MIPOL1: variants seen among roughly 807,000 people sequenced by gnomAD.
MIPOL1 encodes mirror-image polydactyly gene 1 protein.
A neutral mutation model predicts 60.9 loss-of-function variants in MIPOL1; 57 were observed. The ratio of observed to expected loss-of-function variants is 0.94; its 90% CI spans 0.76 to 1.17. The LOEUF is 1.17. Ranked by LOEUF, MIPOL1 falls within the 50% of genes most tolerant of loss-of-function variation. The pLI, the probability that MIPOL1 is intolerant of heterozygous loss-of-function variation, is 0.00. For missense variants in MIPOL1, 551 were observed against 511.6 expected (o/e 1.08, Z -0.74); for synonymous variants, 179 against 168.8 (o/e 1.06, Z -0.47).
At chr14:37,338,398 C>G (rs533176792) in intron 9 of MIPOL1, among the ~76,000 whole-genome samples, 1 of 119,524 alleles carries the variant, frequency 8.4e-6, no homozygotes, top group African/African-American at 3.2e-5. Context: ...GCGTGAACCA[C>G]CGCGCCTGGC....
At chr14:37,362,568 A>G (rs1314789071) in intron 9 of MIPOL1, among the ~76,000 whole-genome samples, 1 of 152,120 alleles carries the variant, frequency 6.6e-6, no homozygotes, top group East Asian at 1.9e-4. Context: ...ACCTTGGTGA[A>G]TCTGACAATT....
intron 12 of MIPOL1, among the ~76,000 whole-genome samples, chr14:37,535,713 GAAC>G (rs2095503256): frequency 6.6e-6 from 1 of 152,156 alleles, no homozygotes; most frequent in Admixed American, 6.5e-5. Flanking sequence ...AGGCTGTGTA[GAAC>G]AAGTGTTTAG....
chr14:37,296,620 G>T (rs1389699640), intron 7 of MIPOL1, among the ~76,000 whole-genome samples: 3 of 152,128 alleles, frequency 2.0e-5, no homozygotes, highest in Non-Finnish European at 4.4e-5. Flanking sequence ...TGGCAAAGGG[G>T]ATATCACCAC....
chr14:37,234,845 G>C (rs375330809), intron 1 of MIPOL1, among the ~76,000 whole-genome samples: 1 of 150,822 alleles, frequency 6.6e-6, no homozygotes, highest in Admixed American at 6.6e-5. Flanking sequence ...GCACGATCTC[G>C]ACTCCATGCA....
chr14:37,460,506 C>G (rs1238606777), intron 11 of MIPOL1, among the ~76,000 whole-genome samples: 16 of 151,984 alleles, frequency 1.1e-4, no homozygotes, highest in Admixed American at 2.6e-4. Context: ...AAATTCTAGC[C>G]AAAGCAATCA....
intron 9 of MIPOL1, among the ~76,000 whole-genome samples, chr14:37,346,873 T>C (rs191342019): frequency 8.5e-5 from 13 of 152,278 alleles, no homozygotes; most frequent in Admixed American, 7.2e-4. Context: ...TAATGAAGCT[T>C]GTCTCTGGCC....
chr14:37,217,424 C>T (rs79974986), intron 1 of MIPOL1, among the ~76,000 whole-genome samples: 7,217 of 152,174 alleles, frequency 0.047, 179 homozygotes, highest in Middle Eastern at 0.078. Flanking sequence ...ATACCAAAAC[C>T]AGACAAAGAC....
chr14:37,359,816 T>G (rs1009934293), intron 9 of MIPOL1, among the ~76,000 whole-genome samples: 2 of 152,200 alleles, frequency 1.3e-5, no homozygotes, highest in Non-Finnish European at 2.9e-5. Context: ...TTTATTTCTT[T>G]CTCTTGCCCG....
intron 11 of MIPOL1, among the ~76,000 whole-genome samples, chr14:37,448,517 TTTTTTC>T (rs1243079315): frequency 6.6e-6 from 1 of 152,332 alleles, no homozygotes; most frequent in Admixed American, 6.5e-5. Flanking sequence ...ATTTATTGAC[TTTTTTC>T]TTCTTGAAGG....
intron 9 of MIPOL1, among the ~76,000 whole-genome samples, chr14:37,342,945 ATTTAT>A (rs1483100698): frequency 6.7e-6 from 1 of 150,070 alleles, no homozygotes; most frequent in Non-Finnish European, 1.5e-5. Context: ...ATCTCTAGTT[ATTTAT>A]TTTAATATAG....
At chr14:37,388,247 C>A (rs1021251769) in intron 10 of MIPOL1, among the ~76,000 whole-genome samples, 1 of 151,688 alleles carries the variant, frequency 6.6e-6, no homozygotes, top group African/African-American at 2.4e-5. Flanking sequence ...ACTTTAAGCA[C>A]CTGTAAGCCT....
intron 1 of MIPOL1, among the ~76,000 whole-genome samples, chr14:37,229,438 C>G (rs948255565): frequency 6.6e-6 from 1 of 152,142 alleles, no homozygotes; most frequent in Non-Finnish European, 1.5e-5. Flanking sequence ...TGAGCCACTG[C>G]ACCCAGCCAA....
chr14:37,250,076 G>A (rs2153360878), intron 3 of MIPOL1, among the ~76,000 whole-genome samples: 1 of 152,252 alleles, frequency 6.6e-6, no homozygotes, highest in East Asian at 1.9e-4. Flanking sequence ...TTTTATGGTT[G>A]AAGATACAGA....
intron 9 of MIPOL1, among the ~76,000 whole-genome samples, chr14:37,320,404 A>G (rs542471798): frequency 6.6e-6 from 1 of 152,174 alleles, no homozygotes; most frequent in East Asian, 1.9e-4. Flanking sequence ...CTAATGACTA[A>G]TGATGTTGGT....
intron 10 of MIPOL1, among the ~76,000 whole-genome samples, chr14:37,382,109 A>G (rs2092940454): frequency 6.6e-6 from 1 of 152,064 alleles, no homozygotes; most frequent in African/African-American, 2.4e-5. Context: ...TTGAGGCTAC[A>G]TGGTGAATGC....
intron 10 of MIPOL1, among the ~76,000 whole-genome samples, chr14:37,421,832 G>T: frequency 6.6e-6 from 1 of 151,558 alleles, no homozygotes; most frequent in East Asian, 1.9e-4. Context: ...TTTTTCTTAT[G>T]ACTTCTTATA....
chr14:37,247,892 G>A lies in MIPOL1; in HGVS notation c.4G>A (p.Glu2Lys), dbSNP rs772465136. 6 of 1,613,172 alleles carry A rather than the reference G, an allele frequency of 3.7e-6. No individual in the cohort carries two copies. Among genetic ancestry groups the A allele is most frequent in the South Asian group, 1.1e-5 (1 of 90,970 alleles). Residue 2 changes from glutamate (E) to lysine (K), a missense_variant, in exon 3 of 13, where the codon GAG (glutamate) becomes AAG (lysine). Physicochemically the swap from Glu to Lys is moderately conservative, Grantham distance 56. Transcript: ENST00000684589. The stretch of plus-strand genomic sequence containing the variant: ...GCAAACAAGAACAGAAATACAAATG[G>A]AGAACTGGTCAAAAGGTAAGGACTT... M[E>K]NWSKDITHSY...
chr14:37,277,345 T>G (rs944958181), intron 6 of MIPOL1: 2 of 151,304 alleles, frequency 1.3e-5, no homozygotes, highest in Non-Finnish European at 3.0e-5. Context: ...ATAGTCTGTT[T>G]AGTAAATAAA....
chr14:37,519,680 CTG>C (rs1397284792), intron 12 of MIPOL1, among the ~76,000 whole-genome samples: 1 of 152,028 alleles, frequency 6.6e-6, no homozygotes, highest in Non-Finnish European at 1.5e-5. Context: ...AAAAAAAAGA[CTG>C]TTACAGGGGA....
Sources: gnomAD v4.1 joint callset for allele counts (sites outside exome capture counted in the v4.1 genomes callset) on GRCh38, gnomAD v4.1.1 for gene constraint, MANE v1.5 for transcripts, NCBI Gene and HGNC (gene_info 2026-07-23, HGNC 2026-07-21) for gene names.